ERBB4: variants seen among roughly 807,000 people sequenced by gnomAD.
The protein encoded by ERBB4 is receptor tyrosine-protein kinase erbB-4.
Under a neutral mutation model 158.0 loss-of-function variants are expected in ERBB4, and 42 were observed. That is an observed-to-expected ratio of 0.27 (90% CI 0.21 to 0.34). The LOEUF is 0.34. Ranked by LOEUF, ERBB4 falls within the 10% of genes least tolerant of loss-of-function variation. ERBB4 has a pLI of 1.00. For missense variants in ERBB4, 1,333 were observed against 1,624.1 expected, an observed-to-expected ratio of 0.82 and a Z score of 3.08; for synonymous variants, 583 against 558.7, an observed-to-expected ratio of 1.04 and a Z score of -0.61.
chr2:211,759,121 T>A (rs1021961564), intron 4 of ERBB4, among the ~76,000 whole-genome samples: 1 of 152,168 alleles, frequency 6.6e-6, no homozygotes, highest in African/African-American at 2.4e-5. Flanking sequence ...TTTGGAGTCA[T>A]CCTCAGCTCT....
At chr2:211,756,135 C>A (rs933924475) in intron 4 of ERBB4, among the ~76,000 whole-genome samples, 1 of 151,874 alleles carries the variant, frequency 6.6e-6, no homozygotes, top group South Asian at 2.1e-4. Flanking sequence ...GATAAAAAGA[C>A]GAATGTCACT....
chr2:211,878,369 G>C (rs2078567910), intron 3 of ERBB4, among the ~76,000 whole-genome samples: 1 of 152,004 alleles, frequency 6.6e-6, no homozygotes, highest in African/African-American at 2.4e-5. Context: ...CATTAGTTGT[G>C]GATGATATAT....
At chr2:211,587,756 T>C (rs2068330290) in intron 19 of ERBB4, among the ~76,000 whole-genome samples, 1 of 152,166 alleles carries the variant, frequency 6.6e-6, no homozygotes, top group Admixed American at 6.5e-5. Context: ...TGCTGGCGTG[T>C]ATTGCCAGTA....
At chr2:212,398,946 T>C (rs913136581) in intron 1 of ERBB4, among the ~76,000 whole-genome samples, 2 of 152,004 alleles carry the variant, frequency 1.3e-5, no homozygotes, top group African/African-American at 2.4e-5. Flanking sequence ...CTATTTATTT[T>C]ATTATTATTA....
intron 1 of ERBB4, among the ~76,000 whole-genome samples, chr2:212,334,585 T>C (rs189258530): frequency 1.3e-5 from 2 of 152,010 alleles, no homozygotes; most frequent in South Asian, 4.1e-4. Context: ...TTAGCACTCA[T>C]CATATTGCAT....
At chr2:211,483,121 GA>G (rs1172346365) in intron 20 of ERBB4, among the ~76,000 whole-genome samples, 1 of 151,926 alleles carries the variant, frequency 6.6e-6, no homozygotes, top group Non-Finnish European at 1.5e-5. Context: ...TAATATTGCA[GA>G]AAAAAACGAA....
At chr2:212,234,270 A>G (rs10195068) in intron 1 of ERBB4, among the ~76,000 whole-genome samples, 6,231 of 152,068 alleles carry the variant, frequency 0.041, 394 homozygotes, top group African/African-American at 0.14. Context: ...GCTGAGAATG[A>G]TGGTTTCCAG....
intron 1 of ERBB4, among the ~76,000 whole-genome samples, chr2:212,273,065 A>T (rs1285913489): frequency 6.6e-6 from 1 of 151,728 alleles, no homozygotes; most frequent in Non-Finnish European, 1.5e-5. Flanking sequence ...GAGGGCCACT[A>T]TTACGACTTT....
intron 7 of ERBB4, among the ~76,000 whole-genome samples, chr2:211,718,815 C>A (rs7422904): frequency 0.67 from 101,912 of 151,448 alleles, 34,804 homozygotes; most frequent in Non-Finnish European, 0.73. Context: ...GACCAGAATA[C>A]CTCCATCAGC....
chr2:211,536,095 T>G (rs745737870), intron 20 of ERBB4, among the ~76,000 whole-genome samples: 12 of 152,060 alleles, frequency 7.9e-5, no homozygotes, highest in Non-Finnish European at 1.2e-4. Flanking sequence ...TCTATTGTCA[T>G]TTGAGAAGTG....
At chr2:211,499,342 G>C (rs112902016) in intron 20 of ERBB4, among the ~76,000 whole-genome samples, 1 of 151,960 alleles carries the variant, frequency 6.6e-6, no homozygotes, top group South Asian at 2.1e-4. Context: ...GGACAACATG[G>C]TGAAACCCCA....
At chr2:212,213,488 T>C (rs1269883372) in intron 1 of ERBB4, among the ~76,000 whole-genome samples, 2 of 151,806 alleles carry the variant, frequency 1.3e-5, no homozygotes, top group African/African-American at 4.8e-5. Context: ...ATGTAGATCT[T>C]ATGCATTTAT....
chr2:212,408,370 C>T (rs1449398204), intron 1 of ERBB4, among the ~76,000 whole-genome samples: 1 of 152,028 alleles, frequency 6.6e-6, no homozygotes, highest in Non-Finnish European at 1.5e-5. Context: ...CGTTAAGTTT[C>T]CTGAGGATAA....
At chr2:211,520,851 G>T (rs1179640418) in intron 20 of ERBB4, among the ~76,000 whole-genome samples, 1 of 151,966 alleles carries the variant, frequency 6.6e-6, no homozygotes, top group Non-Finnish European at 1.5e-5. Context: ...TATCTATTAT[G>T]GTTATCTGTG....
Position 211,420,702 on chromosome 2 carries a change from A to AAATG in ERBB4, c.2965-95_2965-92dup, listed in dbSNP as rs2063496245. The AAATG allele has an allele frequency of 7.9e-6, 9 of 1,134,058 alleles. No homozygotes were observed. The South Asian group carries it at 1.2e-4, about 15-fold the overall frequency. The allele number at this position is 1,134,058 out of a possible 1,614,324, so 70.2% of individuals were successfully genotyped here. ...CAATAAATTTATGTAATATCATAAC[A>AAATG]AATGGTTGAAAAATTCATACACACA... On this transcript the variant is annotated intron_variant, in intron 24 of 27. Coordinates refer to ENST00000342788, the MANE Select transcript of ERBB4 (RefSeq NM_005235.3).
chr2:211,398,382 T>A (rs754790670), intron 25 of ERBB4, among the ~76,000 whole-genome samples: 137 of 152,200 alleles, frequency 9.0e-4, no homozygotes, highest in Non-Finnish European at 1.6e-3. Context: ...ATGCTTCTGA[T>A]ACAGAAGTAA....
intron 2 of ERBB4, among the ~76,000 whole-genome samples, chr2:212,069,690 T>G (rs2125442780): frequency 6.6e-6 from 1 of 152,184 alleles, no homozygotes; most frequent in African/African-American, 2.4e-5. Context: ...ACAAAAAAAC[T>G]ATTAGAATTA....
chr2:212,405,286 G>A (rs558545956), intron 1 of ERBB4, among the ~76,000 whole-genome samples: 42 of 152,120 alleles, frequency 2.8e-4, no homozygotes, highest in African/African-American at 9.9e-4. Context: ...ACCACAATGA[G>A]ATACCATCTC....
chr2:212,290,165 A>T (rs1429780366), intron 1 of ERBB4, among the ~76,000 whole-genome samples: 3 of 152,162 alleles, frequency 2.0e-5, no homozygotes, highest in Non-Finnish European at 4.4e-5. Context: ...TACAGAAATC[A>T]TACATGTAGT....
Sources: allele counts gnomAD v4.1 joint callset (sites outside exome capture counted in the v4.1 genomes callset), GRCh38; gene constraint gnomAD v4.1.1; transcripts MANE v1.5; gene names NCBI Gene and HGNC (gene_info 2026-07-23, HGNC 2026-07-21).